Variants in CNTN3 observed in about 807,000 individuals in gnomAD.
CNTN3 encodes contactin-3.
CNTN3 carries 60 observed loss-of-function variants against 119.1 expected under a neutral mutation model. The observed-to-expected ratio is 0.50, with a 90% CI of 0.41 to 0.62. The LOEUF (loss-of-function observed/expected upper bound fraction) is 0.62, where lower values mean the gene tolerates loss of function less well. Among genes scored for constraint, CNTN3 ranks in the 20% least tolerant of loss-of-function variants. CNTN3 has a pLI of 0.00. For missense variants in CNTN3, 1,101 were observed against 1,242.4 expected, an observed-to-expected ratio of 0.89 and a Z score of 1.71; for synonymous variants, 450 against 438.7, an observed-to-expected ratio of 1.03 and a Z score of -0.32.
intron 5 of CNTN3, among the ~76,000 whole-genome samples, chr3:74,376,941 C>CA (rs34459321): frequency 3.1e-4 from 44 of 140,736 alleles, no homozygotes; most frequent in African/African-American, 9.7e-4. Context: ...TGAACAGAGA[C>CA]AAAAAAAAAA....
chr3:74,449,555 T>C (rs556152907), intron 4 of CNTN3, among the ~76,000 whole-genome samples: 6 of 152,200 alleles, frequency 3.9e-5, no homozygotes, highest in African/African-American at 9.6e-5. Context: ...TTTGGATCTA[T>C]TAAATATAAA....
intron 4 of CNTN3, among the ~76,000 whole-genome samples, chr3:74,435,941 A>G (rs1701858777): frequency 6.6e-6 from 1 of 152,172 alleles, no homozygotes; most frequent in African/African-American, 2.4e-5. Flanking sequence ...CACAGAGTTC[A>G]GTTTTCTTTA....
At chr3:74,609,446 T>G (rs1575867279) in intron 1 of CNTN3, among the ~76,000 whole-genome samples, 1 of 152,174 alleles carries the variant, frequency 6.6e-6, no homozygotes, top group Non-Finnish European at 1.5e-5. Context: ...CTGGCTACAA[T>G]GGCAAAGGGA....
At chr3:74,281,440 T>C (rs1420284473) in intron 20 of CNTN3, among the ~76,000 whole-genome samples, 1 of 152,078 alleles carries the variant, frequency 6.6e-6, no homozygotes, top group East Asian at 1.9e-4. Context: ...GCTCAAGGAA[T>C]CCTCCCACCT....
At chr3:74,526,496 C>A (rs1420284475) in intron 1 of CNTN3, among the ~76,000 whole-genome samples, 1 of 151,868 alleles carries the variant, frequency 6.6e-6, no homozygotes, top group Non-Finnish European at 1.5e-5. Context: ...ATAATCTTCA[C>A]ATCTTCCAGA....
In CNTN3 at chr3:74,279,635, G is replaced by A. The variant is rs568630479; in HGVS notation, c.2704+5670C>T. Among the ~76,000 whole-genome samples, 8 of 151,558 alleles carry A rather than the reference G, an allele frequency of 5.3e-5. 1 individual carries two copies. The South Asian group carries it at 1.7e-3, about 32-fold the overall frequency. On this transcript the variant is annotated intron_variant, in intron 20 of 22. Coordinates refer to ENST00000263665, the MANE Select transcript of CNTN3 (RefSeq NM_020872.3). ...ATGATACAATGGACTTTCGGGACTTGGGGGGAAGGTTGGGAGGGGGGCAAG... is the reference window on the plus strand; with the variant it reads ...ATGATACAATGGACTTTCGGGACTTAGGGGGAAGGTTGGGAGGGGGGCAAG...
At chr3:74,374,577 T>TCTTC (rs1240074005) in intron 5 of CNTN3, among the ~76,000 whole-genome samples, 1 of 152,086 alleles carries the variant, frequency 6.6e-6, no homozygotes, top group Non-Finnish European at 1.5e-5. Context: ...TGATTCTTGG[T>TCTTC]ACCTGCCCTG....
At chr3:74,428,141 AG>A (rs1223536243) in intron 4 of CNTN3, among the ~76,000 whole-genome samples, 1 of 152,186 alleles carries the variant, frequency 6.6e-6, no homozygotes, top group African/African-American at 2.4e-5. Context: ...GTCATATAAA[AG>A]TTTTGCATAT....
chr3:74,290,408 C>T (rs1379684705), intron 19 of CNTN3, among the ~76,000 whole-genome samples: 1 of 152,146 alleles, frequency 6.6e-6, no homozygotes, highest in African/African-American at 2.4e-5. Context: ...TGTCATCTGT[C>T]CTAAACTGAA....
intron 4 of CNTN3, among the ~76,000 whole-genome samples, chr3:74,462,269 A>G (rs1357283242): frequency 6.6e-6 from 1 of 152,074 alleles, no homozygotes; most frequent in African/African-American, 2.4e-5. Flanking sequence ...TCTTTTCTTT[A>G]TAAATTACTG....
chr3:74,353,380 G>A lies in CNTN3; in HGVS notation c.1364+8510C>T, dbSNP rs75733431. Among the ~76,000 whole-genome samples, 762 of 152,316 alleles carry A rather than the reference G, an allele frequency of 5.0e-3. 6 individuals carry two copies. Among genetic ancestry groups the A allele is most frequent in the African/African-American group, 0.018 (732 of 41,566 alleles). ...ACAAATGGCAAAAGTGGCCAGTTAG[G>A]AGCATTTCTTGAGCTTTTAAACTCC... On this transcript the variant is annotated intron_variant, in intron 11 of 22. Transcript: ENST00000263665.
At chr3:74,519,055 T>C (rs1703498615) in intron 2 of CNTN3, among the ~76,000 whole-genome samples, 2 of 151,902 alleles carry the variant, frequency 1.3e-5, no homozygotes, top group South Asian at 4.1e-4. Context: ...GTCTCAATTA[T>C]AATAGGCTTA....
intron 4 of CNTN3, among the ~76,000 whole-genome samples, chr3:74,467,590 G>T (rs1022990526): frequency 6.8e-6 from 1 of 147,548 alleles, no homozygotes; most frequent in Admixed American, 6.9e-5. Flanking sequence ...TAAAAATTAT[G>T]GTACATGATA....
At chr3:74,451,256 G>T (rs929262606) in intron 4 of CNTN3, among the ~76,000 whole-genome samples, 13 of 152,112 alleles carry the variant, frequency 8.5e-5, no homozygotes, top group African/African-American at 2.9e-4. Flanking sequence ...GCATTTCTCT[G>T]ATGGCCAGTG....
At chr3:74,296,017 G>A (rs1305063445) in intron 18 of CNTN3, among the ~76,000 whole-genome samples, 1 of 152,042 alleles carries the variant, frequency 6.6e-6, no homozygotes, top group Admixed American at 6.6e-5. Context: ...AGTACTTGGA[G>A]CCCACTGATC....
intron 2 of CNTN3, among the ~76,000 whole-genome samples, chr3:74,508,265 T>C (rs1703300778): frequency 1.3e-5 from 2 of 152,146 alleles, no homozygotes; most frequent in African/African-American, 4.8e-5. Context: ...AGAAATGCCT[T>C]GCTGCTTCTT....
At chr3:74,359,306 AGTATAT>A (rs1301282758) in intron 11 of CNTN3, among the ~76,000 whole-genome samples, 3 of 152,338 alleles carry the variant, frequency 2.0e-5, no homozygotes, top group African/African-American at 7.2e-5. Flanking sequence ...CTTATAGATC[AGTATAT>A]GTATATGTAC....
intron 3 of CNTN3, among the ~76,000 whole-genome samples, chr3:74,495,125 A>C (rs1703037028): frequency 6.6e-6 from 1 of 152,064 alleles, no homozygotes; most frequent in African/African-American, 2.4e-5. Flanking sequence ...TGTGGGGACC[A>C]GAGCTCACCA....
intron 4 of CNTN3, among the ~76,000 whole-genome samples, chr3:74,430,667 A>G (rs896876807): frequency 6.6e-6 from 1 of 152,088 alleles, no homozygotes. Flanking sequence ...TCGTTATCAA[A>G]GGGTACTATG....
Sources: gnomAD v4.1 joint callset for allele counts (sites outside exome capture counted in the v4.1 genomes callset) on GRCh38, gnomAD v4.1.1 for gene constraint, MANE v1.5 for transcripts, NCBI Gene and HGNC (gene_info 2026-07-23, HGNC 2026-07-21) for gene names.